Variants in SYNE1 observed in about 807,000 individuals in gnomAD.
The protein encoded by SYNE1 is spectrin repeat containing nuclear envelope protein 1.
SYNE1 carries 616 observed loss-of-function variants against 1,111.0 expected under a neutral mutation model. The ratio of observed to expected loss-of-function variants is 0.55; its 90% CI spans 0.52 to 0.59. The LOEUF is 0.59. SYNE1 is among the 20% of genes least tolerant of loss of function. SYNE1 has a pLI of 0.00. For missense variants in SYNE1, 10,006 were observed against 10,417.0 expected (o/e 0.96, Z 1.72); for synonymous variants, 3,855 against 3,825.8 (o/e 1.01, Z -0.28).
At chr6:152,382,056 C>T (rs1347994255) in intron 55 of SYNE1, among the ~76,000 whole-genome samples, 4 of 152,110 alleles carry the variant, frequency 2.6e-5, no homozygotes, top group African/African-American at 9.7e-5. Context: ...AACAATTTAG[C>T]TCGATCTTAA....
At chr6:152,478,029 C>T (rs867303821) in intron 14 of SYNE1, among the ~76,000 whole-genome samples, 1 of 152,124 alleles carries the variant, frequency 6.6e-6, no homozygotes, top group African/African-American at 2.4e-5. Flanking sequence ...GGCTTCTCAA[C>T]ATGCTGGGAT....
In SYNE1 at chr6:152,483,172, C is replaced by G. The variant is rs949049150; in HGVS notation, c.1263G>C (p.Ala421=). Residue 421 remains alanine, a synonymous_variant, in exon 14 of 146, where the codon GCG becomes GCC. Coordinates refer to ENST00000367255, the MANE Select transcript of SYNE1 (RefSeq NM_182961.4). ...LGTIGAWLYR[A]EVALREEITV... is the part of the protein sequence containing the mutation. ...TTATTTCCTCTCTCAGGGCCACCTCCGCTCTGTACAGCCAGGCACCTATGG... is the reference window on the plus strand; with the variant it reads ...TTATTTCCTCTCTCAGGGCCACCTCGGCTCTGTACAGCCAGGCACCTATGG... 1.7e-5 allele frequency: 28 copies of G among 1,614,020 alleles called. No individual in the cohort carries two copies. Among genetic ancestry groups the G allele is most frequent in the Non-Finnish European group, 2.3e-5 (27 of 1,180,026 alleles).
At chr6:152,362,467 G>T in intron 63 of SYNE1, 144 bp from the exon 64 acceptor site, 1 of 1,077,220 alleles carries the variant, frequency 9.3e-7, no homozygotes, top group Non-Finnish European at 1.4e-6. Flanking sequence ...AGGCTGCCCA[G>T]GGCTTAAGGA....
At chr6:152,326,234 T>C (rs2096064481) in intron 79 of SYNE1, 62 bp downstream of exon 79, 1 of 1,612,298 alleles carries the variant, frequency 6.2e-7, no homozygotes, top group Non-Finnish European at 8.5e-7. Flanking sequence ...ATTCGTGTAT[T>C]ACTACTTTCA....
chr6:152,532,853 T>C (rs1186067604), intron 4 of SYNE1, among the ~76,000 whole-genome samples: 1 of 152,138 alleles, frequency 6.6e-6, no homozygotes, highest in Non-Finnish European at 1.5e-5. Context: ...CATGCTCTGA[T>C]GATTATCTTC....
chr6:152,254,244 C>CTTCTT (rs1562531205), intron 104 of SYNE1, among the ~76,000 whole-genome samples: 3 of 73,166 alleles, frequency 4.1e-5, no homozygotes, highest in Non-Finnish European at 7.1e-5. Flanking sequence ...TCTGCATACT[C>CTTCTT]TTTTTTTTTT....
At chr6:152,265,277 C>A (rs2092580527) in intron 100 of SYNE1, among the ~76,000 whole-genome samples, 2 of 146,758 alleles carry the variant, frequency 1.4e-5, no homozygotes. Context: ...AAATATCCAG[C>A]AATAAGAAAA....
chr6:152,420,856 C>G (rs976703839), intron 39 of SYNE1, among the ~76,000 whole-genome samples: 1 of 152,140 alleles, frequency 6.6e-6, no homozygotes, highest in Non-Finnish European at 1.5e-5. Context: ...GCAAACTACA[C>G]TTCTGTGAGC....
At chr6:152,582,575 A>AAT (rs34904134) in intron 3 of SYNE1, among the ~76,000 whole-genome samples, 31 of 151,460 alleles carry the variant, frequency 2.0e-4, no homozygotes, top group African/African-American at 6.8e-4. Flanking sequence ...TATATAAATA[A>AAT]ATATATATAT....
chr6:152,406,014 T>C (rs1225823365), intron 45 of SYNE1, among the ~76,000 whole-genome samples: 3 of 152,016 alleles, frequency 2.0e-5, no homozygotes, highest in African/African-American at 4.8e-5. Flanking sequence ...ATATAAATAA[T>C]GCAAATCCCA....
At chr6:152,615,528 G>A (rs954858341) in intron 3 of SYNE1, among the ~76,000 whole-genome samples, 1 of 151,900 alleles carries the variant, frequency 6.6e-6, no homozygotes, top group Non-Finnish European at 1.5e-5. Context: ...ATGGTGCTAA[G>A]AATTATTGTT....
rs575326934 is a variant in SYNE1 at position 152,538,805 on chromosome 6, C to G, written c.129+1155G>C. Among the ~76,000 whole-genome samples the G allele has an allele frequency of 1.3e-5, 2 of 152,158 alleles. 1 individual carries two copies. Among genetic ancestry groups the G allele is most frequent in the South Asian group, 4.2e-4 (2 of 4,816 alleles). On this transcript the variant is annotated intron_variant, in intron 4 of 145. Transcript: ENST00000367255. ...CTACTGGGCCAAATTCCCTTCTCAT[C>G]AAGTGCTGTGGGGAAGAGAGCATAG...
chr6:152,510,216 C>T lies in SYNE1; in HGVS notation c.558G>A (p.Lys186=). 2 of 1,614,030 alleles carry T rather than the reference C, an allele frequency of 1.2e-6. No homozygotes were observed. Among genetic ancestry groups the T allele is most frequent in the Non-Finnish European group, 1.7e-6 (2 of 1,179,960 alleles). Reference sequence around the variant, plus strand: ...ACTTGCCAGCTGTGTACTGAACCCACTTTAATAAAGCCTTCTTAGCATTTC... The same window carrying T: ...ACTTGCCAGCTGTGTACTGAACCCATTTTAATAAAGCCTTCTTAGCATTTC... ...IQGNAKKALL[K]WVQYTAGKQT... is the part of the protein sequence containing the mutation. Residue 186 remains lysine, a synonymous_variant, in exon 8 of 146, where the codon AAG becomes AAA. Transcript: ENST00000367255.
Position 152,404,214 on chromosome 6 carries a change from T to G in SYNE1, c.6824A>C (p.Gln2275Pro), listed in dbSNP as rs767461932. 6.2e-7 allele frequency: 1 copy of G among 1,611,630 alleles called. No individual in the cohort carries two copies. Among genetic ancestry groups the G allele is most frequent in the South Asian group, 1.1e-5 (1 of 91,010 alleles). The part of the protein sequence containing the change: ...TKNLETPPDL[Q>P]FIEADLMQKL... ...TAGTAGTTATTACAAAATGCTTACC[T>G]GAAGGTCTGGCGGTGTTTCTAGATT... The change falls in exon 46 of 146, where the codon CAG (glutamine) becomes CCG (proline). Residue 2275 changes from glutamine to proline, a missense_variant and splice_region_variant. Gln to Pro is a moderately conservative substitution (Grantham distance 76). Transcript: ENST00000367255.
intron 95 of SYNE1, among the ~76,000 whole-genome samples, chr6:152,290,478 A>G (rs1286024188): frequency 6.6e-6 from 1 of 152,096 alleles, no homozygotes; most frequent in African/African-American, 2.4e-5. Context: ...AATCACTTGA[A>G]CCTGGGAGGT....
intron 91 of SYNE1, 121 bp from the exon 92 acceptor site, chr6:152,302,184 C>T (rs2095209959): frequency 2.9e-6 from 4 of 1,360,596 alleles, no homozygotes; most frequent in East Asian, 2.3e-5. Context: ...GCCCGGGAGG[C>T]AGGATGTGTA....
chr6:152,148,318 G>C lies in SYNE1; in HGVS notation c.24703C>G (p.Leu8235Val), dbSNP rs1159764212. Reference protein sequence around the residue: ...RELELEDSAALSDLHWHDRSA... With the variant: ...RELELEDSAAVSDLHWHDRSA... ...CGGTCGTGCCAGTGCAGGTCCGACAGAGCTGCAGAGTCTTCCAGCTCCAGC... is the reference window on the plus strand; with the variant it reads ...CGGTCGTGCCAGTGCAGGTCCGACACAGCTGCAGAGTCTTCCAGCTCCAGC... Residue 8235 changes from leucine to valine, a missense_variant, in exon 137 of 146, where the codon CTG (leucine) becomes GTG (valine). Around this residue, in one of 7 missense-constraint regions of SYNE1, gnomAD observed 761 missense variants for 795.5 expected, o/e 0.96. Coordinates refer to ENST00000367255, the MANE Select transcript of SYNE1 (RefSeq NM_182961.4). This position sits in a 1 kb window ranked among gnomAD's most constrained non-coding sequence, Gnocchi z 4.1. The C allele has an allele frequency of 3.7e-6, 6 of 1,614,198 alleles. No individual in the cohort carries two copies. The highest frequency in any genetic ancestry group is 1.7e-6 in the Non-Finnish European group (2 of 1,180,022).
intron 4 of SYNE1, among the ~76,000 whole-genome samples, chr6:152,527,673 T>C (rs1564649840): frequency 6.6e-6 from 1 of 152,172 alleles, no homozygotes; most frequent in Non-Finnish European, 1.5e-5. Context: ...AGTTCATAAA[T>C]GTTTGATACA....
chr6:152,198,667 G>C (rs1241184020), intron 127 of SYNE1, among the ~76,000 whole-genome samples: 1 of 152,102 alleles, frequency 6.6e-6, no homozygotes, highest in African/African-American at 2.4e-5. Flanking sequence ...ATATTGTTGT[G>C]TCTCAGCAAA....
Sources: gnomAD v4.1 joint callset for allele counts (sites outside exome capture counted in the v4.1 genomes callset) on GRCh38, gnomAD v4.1.1 for gene constraint, gnomAD v4.1.1 regional missense constraint, Gnocchi (gnomAD v3.1) non-coding constraint, MANE v1.5 for transcripts, NCBI Gene and HGNC (gene_info 2026-07-23, HGNC 2026-07-21) for gene names.